Variants in DPH7 observed in about 807,000 individuals in gnomAD.
The protein encoded by DPH7 is diphthamide biosynthesis 7.
In DPH7, 44 loss-of-function variants were observed where a neutral mutation model predicts 41.7. The ratio of observed to expected loss-of-function variants is 1.05; its 90% CI spans 0.83 to 1.36. The LOEUF is 1.36. DPH7 is among the 40% of genes most tolerant of loss of function. DPH7 has a pLI of 0.00. For synonymous variants in DPH7, 275 were observed against 238.0 expected, an observed-to-expected ratio of 1.16 and a Z score of -1.43; for missense variants, 629 against 577.5, an observed-to-expected ratio of 1.09 and a Z score of -0.91.
Position 137,564,524 on chromosome 9 carries a change from T to C in DPH7, c.859A>G (p.Arg287Gly). Reference sequence around the variant, plus strand: ...TGGTGGAAAGGGTGCCACTTGATTCTCCATACCCCACCCTGCACAGGCGTA... The same window carrying C: ...TGGTGGAAAGGGTGCCACTTGATTCCCCATACCCCACCCTGCACAGGCGTA... ...ADTPVQGGVW[R>G]IKWHPFHHHL... The change falls in exon 8 of 9, where the codon AGA (arginine) becomes GGA (glycine). Residue 287 changes from arginine to glycine, a missense_variant. Transcript: ENST00000277540. 6.2e-7 allele frequency: 1 copy of C among 1,614,156 alleles called. No homozygotes were observed. Among genetic ancestry groups the C allele is most frequent in the South Asian group, 1.1e-5 (1 of 91,088 alleles).
intron 1 of DPH7, 26 bp from the exon 2 acceptor site, chr9:137,577,629 T>C (rs1841651766): frequency 1.9e-6 from 3 of 1,607,676 alleles, no homozygotes; most frequent in Non-Finnish European, 2.5e-6. Flanking sequence ...AGGTAGTCTC[T>C]GATTATCCCA....
At chr9:137,578,089 G>A (rs1244289528) in intron 1 of DPH7, 2 of 657,774 alleles carry the variant, frequency 3.0e-6, no homozygotes, top group Non-Finnish European at 1.9e-6. Context: ...GGGTTGAGGC[G>A]GGAGGATGCC....
chr9:137,574,770 G>A lies in DPH7; in HGVS notation c.449C>T (p.Ser150Phe). Residue 150 changes from serine to phenylalanine, a missense_variant, in exon 4 of 9, where the codon TCC (serine) becomes TTC (phenylalanine). Physicochemically the swap from Ser to Phe is radical, Grantham distance 155 (BLOSUM62 -2). Coordinates refer to ENST00000277540, the MANE Select transcript of DPH7 (RefSeq NM_138778.5). ...CCCTTACCTTCCAGTTTTCCCAGTGGACCAATCTAGGGACAAAGCCAGACA... is the reference window on the plus strand; with the variant it reads ...CCCTTACCTTCCAGTTTTCCCAGTGAACCAATCTAGGGACAAAGCCAGACA... The part of the protein sequence containing the change: ...EQCLALSLDW[S>F]TGKTGRAGDQ... 2 of 1,613,946 alleles carry A rather than the reference G, an allele frequency of 1.2e-6. No individual in the cohort carries two copies. The highest frequency in any genetic ancestry group is 1.7e-6 in the Non-Finnish European group (2 of 1,179,998).
rs1395802964 is a variant in DPH7 at position 137,556,984 on chromosome 9, C to T, written c.950-1336G>A. ...CCCTCTTTTTATTTTCAAGACAGGA[C>T]CTCACTCTGTCGCATAGGCTGGAGT... is the stretch of plus-strand genomic sequence containing the variant. On this transcript the variant is annotated intron_variant, in intron 8 of 8. Coordinates refer to ENST00000277540, the MANE Select transcript of DPH7 (RefSeq NM_138778.5). This position sits in a 1 kb window ranked among gnomAD's most constrained non-coding sequence, Gnocchi z 5.2. The T allele has an allele frequency of 2.2e-6, 1 of 445,292 alleles. No homozygotes were observed. Among genetic ancestry groups the T allele is most frequent in the Admixed American group, 2.4e-5 (1 of 41,276 alleles). 27.6% of individuals were successfully genotyped at this position (445,292 alleles called of 1,614,324 possible).
chr9:137,574,619 G>A (rs1295170098), intron 4 of DPH7, 133 bp downstream of exon 4: 2 of 927,616 alleles, frequency 2.2e-6, no homozygotes, highest in African/African-American at 1.7e-5. Context: ...TTCATAATAG[G>A]ACTGGCAGTG....
intron 2 of DPH7, 176 bp from the exon 3 acceptor site, chr9:137,576,343 C>T: frequency 1.7e-6 from 1 of 598,298 alleles, no homozygotes; most frequent in Admixed American, 2.7e-5. Flanking sequence ...GCTCCTATGC[C>T]ACAAACCTTA....
At chr9:137,575,981 G>C in intron 3 of DPH7, 99 bp downstream of exon 3, 1 of 1,582,772 alleles carries the variant, frequency 6.3e-7, no homozygotes, top group Admixed American at 1.7e-5. Context: ...CCATTGAAGA[G>C]AGATCGTTTT....
At chr9:137,563,706 G>C (rs1839035981) in intron 8 of DPH7, among the ~76,000 whole-genome samples, 1 of 152,138 alleles carries the variant, frequency 6.6e-6, no homozygotes, top group Non-Finnish European at 1.5e-5. Flanking sequence ...ATGGTGGGAA[G>C]ATGAGGTGGT....
chr9:137,572,157 A>G (rs1394499792), intron 5 of DPH7, among the ~76,000 whole-genome samples: 1 of 152,204 alleles, frequency 6.6e-6, no homozygotes, highest in Non-Finnish European at 1.5e-5. Context: ...GTGGAAGGAC[A>G]GCTGCTCTGC....
At chr9:137,557,234 G>A (rs1280493929) in intron 8 of DPH7, among the ~76,000 whole-genome samples, 2 of 152,216 alleles carry the variant, frequency 1.3e-5, no homozygotes, top group East Asian at 1.9e-4. Context: ...TAGGCCGGGC[G>A]CGGTGGCTCA....
chr9:137,578,505 C>A, intron 1 of DPH7, 120 bp downstream of exon 1: 2 of 1,171,118 alleles, frequency 1.7e-6, no homozygotes, highest in South Asian at 1.8e-5. Context: ...CTGTTTCCAG[C>A]CTACCTCCTG....
chr9:137,557,996 C>A (rs932060297), intron 8 of DPH7, among the ~76,000 whole-genome samples: 1 of 151,950 alleles, frequency 6.6e-6, no homozygotes, highest in Non-Finnish European at 1.5e-5. Flanking sequence ...ATTAGCCAGG[C>A]GTGGTGGCAC....
chr9:137,573,751 A>C (rs527924063), intron 5 of DPH7, among the ~76,000 whole-genome samples: 1 of 150,428 alleles, frequency 6.6e-6, no homozygotes, highest in East Asian at 2.0e-4. Flanking sequence ...CCTTTGTTCC[A>C]GAAAGTACAT....
rs200475571 is a variant in DPH7 at position 137,564,559 on chromosome 9, G to A, written c.824C>T (p.Pro275Leu). ...ACCCTGCACAGGCGTATCTGCCAAC[G>A]GCTGCTTCATGTTTCGTGTGTCCCA... ...LLWDTRNMKQ[P>L]LADTPVQGGV... Residue 275 changes from proline to leucine, a missense_variant, in exon 8 of 9, where the codon CCG (proline) becomes CTG (leucine). Coordinates refer to ENST00000277540, the MANE Select transcript of DPH7 (RefSeq NM_138778.5). 1.6e-4 allele frequency: 252 copies of A among 1,614,044 alleles called. No individual in the cohort carries two copies. Among genetic ancestry groups the A allele is most frequent in the Admixed American group, 8.0e-4 (48 of 60,024 alleles).
chr9:137,578,216 A>G (rs945433681), intron 1 of DPH7: 5 of 154,108 alleles, frequency 3.2e-5, no homozygotes, highest in African/African-American at 9.6e-5. Flanking sequence ...CCAGGCTGGA[A>G]TGCAGTGGTG....
chr9:137,575,443 C>T, intron 3 of DPH7: 1 of 988,732 alleles, frequency 1.0e-6, no homozygotes, highest in Non-Finnish European at 1.2e-6. Context: ...CACAGCTTTC[C>T]TGTGGCTGCT....
At chr9:137,574,874 G>T in intron 3 of DPH7, 31 bp from the exon 4 acceptor site, 1 of 1,612,056 alleles carries the variant, frequency 6.2e-7, no homozygotes, top group Middle Eastern at 1.7e-4. Context: ...CCATCAAAGG[G>T]AAGTAGCCGC....
intron 2 of DPH7, among the ~76,000 whole-genome samples, chr9:137,576,864 C>T (rs914872537): frequency 4.7e-5 from 7 of 150,014 alleles, no homozygotes; most frequent in African/African-American, 1.2e-4. Flanking sequence ...CACTCTAGCC[C>T]GGGCGACAGA....
rs1414824767 is a variant in DPH7, at chr9:137,578,723, C to A, written c.55G>T (p.Val19Leu). Residue 19 changes from valine to leucine, a missense_variant, in exon 1 of 9, where the codon GTG (valine) becomes TTG (leucine). Val to Leu is a conservative substitution (Grantham distance 32). Transcript: ENST00000277540. Reference protein sequence around the residue: ...TVDTELTADSVEWCPLQGCRH... With the variant: ...TVDTELTADSLEWCPLQGCRH... ...CAGCCTTGCAGCGGGCACCACTCCA[C>A]CGAGTCCGCGGTCAGCTCGGTGTCC... 6.5e-7 allele frequency: 1 copy of A among 1,530,094 alleles called. No individual in the cohort carries two copies. Among genetic ancestry groups the A allele is most frequent in the Non-Finnish European group, 8.8e-7 (1 of 1,139,718 alleles). The allele number at this position is 1,530,094 out of a possible 1,614,324, so 94.8% of individuals were successfully genotyped here.
Sources: allele counts gnomAD v4.1 joint callset (sites outside exome capture counted in the v4.1 genomes callset), GRCh38; gene constraint gnomAD v4.1.1; non-coding constraint Gnocchi (gnomAD v3.1); transcripts MANE v1.5; gene names NCBI Gene and HGNC (gene_info 2026-07-23, HGNC 2026-07-21).